The following RAB2A variants were observed in gnomAD, a reference collection of about 807,000 sequenced individuals.
RAB2A encodes RAB2A, member RAS oncogene family.
Under a neutral mutation model 32.5 loss-of-function variants are expected in RAB2A, and 7 were observed. That is an observed-to-expected ratio of 0.22 (90% confidence interval 0.12 to 0.40). The LOEUF (loss-of-function observed/expected upper bound fraction) is 0.40, where lower values mean the gene tolerates loss of function less well. RAB2A is among the 10% of genes least tolerant of loss of function. RAB2A has a pLI of 1.00. For missense variants in RAB2A, 108 were observed against 260.7 expected, an observed-to-expected ratio of 0.41 and a Z score of 4.03; for synonymous variants, 79 against 85.2, an observed-to-expected ratio of 0.93 and a Z score of 0.40.
intron 6 of RAB2A, among the ~76,000 whole-genome samples, chr8:60,614,507 C>G (rs1324649154): frequency 1.3e-5 from 2 of 152,084 alleles, no homozygotes. Flanking sequence ...CTGCCTACGC[C>G]TCTTTCAGAG....
chr8:60,599,310 A>G (rs1339657708), intron 6 of RAB2A, among the ~76,000 whole-genome samples: 2 of 152,236 alleles, frequency 1.3e-5, no homozygotes, highest in African/African-American at 4.8e-5. Flanking sequence ...ATAGAGAGGC[A>G]TACTATGCCT....
intron 3 of RAB2A, among the ~76,000 whole-genome samples, chr8:60,577,698 A>G (rs552168340): frequency 1.3e-5 from 2 of 150,228 alleles, no homozygotes; most frequent in Non-Finnish European, 3.0e-5. Context: ...ATCTCGGCTC[A>G]CTGCAAGCTT....
intron 3 of RAB2A, among the ~76,000 whole-genome samples, chr8:60,576,773 A>C (rs1803640950): frequency 6.6e-6 from 1 of 152,094 alleles, no homozygotes. Flanking sequence ...CTGCCTCCCC[A>C]CTTCTGCCTT....
chr8:60,526,020 CATATATATATATATATATATAT>C (rs146162692), intron 1 of RAB2A, among the ~76,000 whole-genome samples: 47 of 92,344 alleles, frequency 5.1e-4, no homozygotes, highest in African/African-American at 9.9e-4. Flanking sequence ...TGTGTGTGTA[CATATATATATATATATATATAT>C]ATATATATAT....
intron 7 of RAB2A, among the ~76,000 whole-genome samples, chr8:60,619,938 A>G (rs1478851625): frequency 6.6e-6 from 1 of 152,248 alleles, no homozygotes; most frequent in Non-Finnish European, 1.5e-5. Flanking sequence ...AAAGAGCGAA[A>G]AGAAACCACA....
intron 6 of RAB2A, among the ~76,000 whole-genome samples, chr8:60,598,686 T>C (rs1216396204): frequency 6.6e-6 from 1 of 151,908 alleles, no homozygotes; most frequent in Non-Finnish European, 1.5e-5. Context: ...TAGCAGTTGA[T>C]GCAGAAAAAC....
At chr8:60,610,198 A>G (rs1259346932) in intron 6 of RAB2A, among the ~76,000 whole-genome samples, 1 of 152,054 alleles carries the variant, frequency 6.6e-6, no homozygotes, top group Admixed American at 6.6e-5. Flanking sequence ...ATAGCTGAAA[A>G]TACAACCAGC....
intron 1 of RAB2A, among the ~76,000 whole-genome samples, chr8:60,517,962 T>C (rs955957071): frequency 1.3e-5 from 2 of 152,094 alleles, no homozygotes; most frequent in African/African-American, 2.4e-5. Context: ...TATATAGTAA[T>C]GTAAAGTCGT....
At chr8:60,562,109 T>C (rs1446300566) in intron 2 of RAB2A, among the ~76,000 whole-genome samples, 2 of 152,218 alleles carry the variant, frequency 1.3e-5, no homozygotes, top group African/African-American at 4.8e-5. Flanking sequence ...TTGCTTGACA[T>C]CTCTGCTTAT....
At chr8:60,558,548 A>G (rs1225414394) in intron 1 of RAB2A, 2 of 500,510 alleles carry the variant, frequency 4.0e-6, no homozygotes, top group South Asian at 1.6e-5. Flanking sequence ...CAAAAACAGT[A>G]CTGTAGTAGA....
intron 6 of RAB2A, among the ~76,000 whole-genome samples, chr8:60,598,804 A>T (rs1804073940): frequency 1.3e-5 from 2 of 152,020 alleles, no homozygotes; most frequent in South Asian, 4.1e-4. Flanking sequence ...ACACCAAAAA[A>T]AAACCCACAA....
At chr8:60,586,438 A>G (rs1361284908) in intron 5 of RAB2A, among the ~76,000 whole-genome samples, 1 of 152,162 alleles carries the variant, frequency 6.6e-6, no homozygotes, top group Non-Finnish European at 1.5e-5. Flanking sequence ...TCTTCAGAAG[A>G]TAAAATAAAA....
chr8:60,555,544 A>G (rs1273241452), intron 1 of RAB2A, among the ~76,000 whole-genome samples: 1 of 152,224 alleles, frequency 6.6e-6, no homozygotes, highest in Non-Finnish European at 1.5e-5. Flanking sequence ...AAATGAGGGA[A>G]GGATCTGAAT....
chr8:60,559,056 C>CT, intron 2 of RAB2A, 133 bp downstream of exon 2: 1 of 629,256 alleles, frequency 1.6e-6, no homozygotes, highest in Non-Finnish European at 2.7e-6. Context: ...TGTTTAATCT[C>CT]TGTCACTTTT....
intron 6 of RAB2A, among the ~76,000 whole-genome samples, chr8:60,612,572 T>G (rs891080779): frequency 2.0e-5 from 3 of 152,252 alleles, no homozygotes; most frequent in Admixed American, 1.3e-4. Context: ...CTTTGACTTG[T>G]ATTAAAGATA....
At chr8:60,552,885 T>A (rs866397998) in intron 1 of RAB2A, 1 of 152,196 alleles carries the variant, frequency 6.6e-6, no homozygotes, top group Non-Finnish European at 1.5e-5. Context: ...TTGTACCTGC[T>A]GTGTGCTAGG....
chr8:60,590,373 C>G (rs1321033412), intron 5 of RAB2A, among the ~76,000 whole-genome samples: 4 of 151,412 alleles, frequency 2.6e-5, no homozygotes, highest in African/African-American at 9.7e-5. Context: ...CGCAGTGTCT[C>G]AGTCCTGTAG....
At chr8:60,612,264 A>G (rs1026595449) in intron 6 of RAB2A, among the ~76,000 whole-genome samples, 2 of 152,208 alleles carry the variant, frequency 1.3e-5, no homozygotes. Context: ...CTTAAATGCC[A>G]TATTCCCCAA....
At chr8:60,552,608 A>G (rs1289893500) in intron 1 of RAB2A, 1 of 152,234 alleles carries the variant, frequency 6.6e-6, no homozygotes, top group Admixed American at 6.5e-5. Context: ...TAAATAATAA[A>G]TCATCAAGGC....
Sources: gnomAD v4.1 joint callset for allele counts (sites outside exome capture counted in the v4.1 genomes callset) on GRCh38, gnomAD v4.1.1 for gene constraint, MANE v1.5 for transcripts, NCBI Gene and HGNC (gene_info 2026-07-23, HGNC 2026-07-21) for gene names.